The following LRRC9 variants were observed in gnomAD, a reference collection of about 807,000 sequenced individuals.
The protein encoded by LRRC9 is leucine-rich repeat-containing protein 9.
Under a neutral mutation model 63.2 loss-of-function variants are expected in LRRC9, and 122 were observed. That is an observed-to-expected ratio of 1.93 (90% confidence interval 1.67 to 2.24). The LOEUF is 2.24. Among genes scored for constraint, LRRC9 ranks in the 30% most tolerant of loss-of-function variants. The pLI, the probability that LRRC9 is intolerant of heterozygous loss-of-function variation, is 0.00. For synonymous variants in LRRC9, 366 were observed against 213.1 expected, an observed-to-expected ratio of 1.72 and a Z score of -6.25; for missense variants, 1,071 against 627.7, an observed-to-expected ratio of 1.71 and a Z score of -7.55.
chr14:60,045,990 G>A (rs748889766), intron 29 of LRRC9, among the ~76,000 whole-genome samples: 4 of 152,060 alleles, frequency 2.6e-5, no homozygotes, highest in East Asian at 1.9e-4. Context: ...GTATCTCAGC[G>A]TGATTTTGAT....
At chr14:59,934,632 AAGAT>A (rs1594814884) in intron 6 of LRRC9, among the ~76,000 whole-genome samples, 2 of 152,220 alleles carry the variant, frequency 1.3e-5, no homozygotes, top group African/African-American at 2.4e-5. Context: ...GACAGGCAGT[AAGAT>A]AGATAACAAG....
intron 14 of LRRC9, 148 bp downstream of exon 14, chr14:59,977,495 T>C (rs186149421): frequency 2.7e-4 from 151 of 569,508 alleles, no homozygotes; most frequent in African/African-American, 2.6e-3. Context: ...ATAATTTTTA[T>C]ATTCCCTACA....
chr14:60,027,025 A>C lies in LRRC9; in HGVS notation c.3704-859A>C, dbSNP rs973604390. On this transcript the variant is annotated intron_variant, in intron 27 of 31. Coordinates refer to ENST00000445360, the Ensembl canonical transcript of LRRC9. The surrounding 1 kb of genome is among the most constrained non-coding windows in gnomAD (Gnocchi z 4.0). ...ATTTTCACATATGAATTGGAGGGGGACACAATTCAGCACATAATAATCAAG... is the reference window on the plus strand; with the variant it reads ...ATTTTCACATATGAATTGGAGGGGGCCACAATTCAGCACATAATAATCAAG... 6.6e-6 allele frequency among the ~76,000 whole-genome samples: 1 copy of C among 151,996 alleles called. No homozygotes were observed. Among genetic ancestry groups the C allele is most frequent in the African/African-American group, 2.4e-5 (1 of 41,414 alleles).
At chr14:59,992,882 T>C (rs1888309780) in intron 17 of LRRC9, among the ~76,000 whole-genome samples, 1 of 152,238 alleles carries the variant, frequency 6.6e-6, no homozygotes, top group Non-Finnish European at 1.5e-5. Flanking sequence ...GAAAACACTC[T>C]GCAGGATATT....
intron 26 of LRRC9, among the ~76,000 whole-genome samples, chr14:60,022,135 TTCTC>T (rs1214330577): frequency 1.3e-5 from 2 of 151,782 alleles, no homozygotes; most frequent in African/African-American, 4.8e-5. Context: ...CATAGAATAT[TTCTC>T]TATTTATTTA....
intron 19 of LRRC9, among the ~76,000 whole-genome samples, chr14:60,001,309 T>C (rs219366): frequency 1 from 151,890 of 152,178 alleles, 75,801 homozygotes; most frequent in Middle Eastern, 1. Flanking sequence ...ATATTCATGA[T>C]GACAGTGTTT....
rs755448863 is a variant in LRRC9, at chr14:59,935,410, TACG to T, written c.544-2977_544-2975del. The stretch of plus-strand genomic sequence containing the variant: ...AAGATAAGGATAAGATGGGCATTTA[TACG>T]ACATTGGTAATCATTAAAATGATAG... On this transcript the variant is annotated intron_variant, in intron 6 of 31. Transcript: ENST00000445360. Among the ~76,000 whole-genome samples, 27 of 152,324 alleles carry T rather than the reference TACG, an allele frequency of 1.8e-4. No individual in the cohort carries two copies. In the East Asian group the frequency reaches 4.4e-3, roughly 25 times the overall value.
chr14:59,979,752 GTGGGAAT>G lies in LRRC9; in HGVS notation c.1878+1623_1878+1629del, dbSNP rs1480080440. Among the ~76,000 whole-genome samples, 3 of 148,610 alleles carry G rather than the reference GTGGGAAT, an allele frequency of 2.0e-5. No homozygotes were observed. In the Admixed American group the frequency reaches 2.0e-4, roughly 10 times the overall value. On this transcript the variant is annotated intron_variant, in intron 15 of 31. Coordinates refer to ENST00000445360, the Ensembl canonical transcript of LRRC9. ...AAACACCGCATGTTCTCACTCATAG[GTGGGAAT>G]TGAACAATGAGAACACATGGACACA...
rs142385967 is a variant in LRRC9 at position 60,012,378 on chromosome 14, A to G, written c.3186+4164A>G. ...GAGTAGAAACCAAGGGAGGGCATAG[A>G]CTAGGAAGACCCAAAGAACAATTTG... On this transcript the variant is annotated intron_variant, in intron 23 of 31. Transcript: ENST00000445360. Among the ~76,000 whole-genome samples, 9 of 152,274 alleles carry G rather than the reference A, an allele frequency of 5.9e-5. No homozygotes were observed. The East Asian group carries it at 1.7e-3, about 29-fold the overall frequency.
intron 29 of LRRC9, among the ~76,000 whole-genome samples, chr14:60,043,756 C>CTTT (rs368065898): frequency 5.3e-4 from 38 of 71,554 alleles, no homozygotes; most frequent in African/African-American, 1.0e-3. Context: ...TTTTCTTTTC[C>CTTT]TTTTTTTTTT....
intron 8 of LRRC9, among the ~76,000 whole-genome samples, chr14:59,946,381 G>A (rs570044850): frequency 1.9e-4 from 29 of 151,002 alleles, no homozygotes; most frequent in South Asian, 4.2e-4. Context: ...TTTTATATCT[G>A]CTATTTTCAT....
intron 29 of LRRC9, among the ~76,000 whole-genome samples, chr14:60,044,855 G>A (rs1327448716): frequency 1.3e-5 from 2 of 152,086 alleles, no homozygotes; most frequent in African/African-American, 2.4e-5. Context: ...GTTCTGTCTG[G>A]ATGATCTGTT....
intron 21 of LRRC9, among the ~76,000 whole-genome samples, chr14:60,005,631 G>C (rs1454816599): frequency 6.6e-6 from 1 of 152,180 alleles, no homozygotes; most frequent in East Asian, 1.9e-4. Flanking sequence ...TGATGTGAAA[G>C]GGGAGCACAG....
At chr14:60,033,227 T>A (rs1394618745) in intron 29 of LRRC9, among the ~76,000 whole-genome samples, 1 of 152,134 alleles carries the variant, frequency 6.6e-6, no homozygotes, top group Non-Finnish European at 1.5e-5. Flanking sequence ...TTTGTAAATT[T>A]TTTTGGATTT....
At chr14:60,065,540 C>T (rs536571902), downstream of LRRC9, among the ~76,000 whole-genome samples, 127 of 144,094 alleles carry the variant, frequency 8.8e-4, 1 homozygote, top group African/African-American at 3.1e-3. Flanking sequence ...CTCAGCTACT[C>T]AGGAGGCTAA....
Position 59,923,947 on chromosome 14 carries a change from AAAC to A in LRRC9, c.-33-3958_-33-3956del, listed in dbSNP as rs1385809578. Reference sequence around the variant, plus strand: ...GGAGACAGAGCAAGACTCCGTCTTAAAACAACAATAACAACAACAAAAAACAGA... The same window carrying A: ...GGAGACAGAGCAAGACTCCGTCTTAAAACAATAACAACAACAAAAAACAGA... On this transcript the variant is annotated intron_variant, in intron 1 of 31. Coordinates refer to ENST00000445360, the Ensembl canonical transcript of LRRC9. This position sits in a 1 kb window ranked among gnomAD's most constrained non-coding sequence, Gnocchi z 4.2. Among the ~76,000 whole-genome samples the A allele has an allele frequency of 7.2e-5, 11 of 152,358 alleles. No individual in the cohort carries two copies. In the South Asian group the frequency reaches 2.3e-3, roughly 32 times the overall value.
intron 17 of LRRC9, among the ~76,000 whole-genome samples, chr14:59,993,821 T>G (rs962166232): frequency 7.9e-5 from 12 of 152,244 alleles, no homozygotes; most frequent in East Asian, 5.8e-4. Context: ...AGCAAGTCCT[T>G]AGTGACCTAC....
At chr14:60,013,741 G>T (rs1890445342) in intron 23 of LRRC9, among the ~76,000 whole-genome samples, 1 of 151,964 alleles carries the variant, frequency 6.6e-6, no homozygotes, top group African/African-American at 2.4e-5. Flanking sequence ...GCTTTCTCTT[G>T]ATTAATGTTT....
At chr14:59,943,513 G>T (rs1279825803) in intron 7 of LRRC9, among the ~76,000 whole-genome samples, 2 of 151,848 alleles carry the variant, frequency 1.3e-5, no homozygotes, top group East Asian at 1.9e-4. Flanking sequence ...TTAAGTTACG[G>T]TTTTTTCTTT....
Sources: gnomAD v4.1 joint callset for allele counts (sites outside exome capture counted in the v4.1 genomes callset) on GRCh38, gnomAD v4.1.1 for gene constraint, Gnocchi (gnomAD v3.1) non-coding constraint, MANE v1.5 for transcripts, NCBI Gene and HGNC (gene_info 2026-07-23, HGNC 2026-07-21) for gene names.